SELENOF: variants seen among roughly 807,000 people sequenced by gnomAD.
SELENOF encodes the protein selenoprotein F, also known as 15 kDa selenoprotein.
A neutral mutation model predicts 20.5 loss-of-function variants in SELENOF; 16 were observed. The ratio of observed to expected loss-of-function variants is 0.78; its 90% CI spans 0.53 to 1.19. The LOEUF is 1.19. Ranked by LOEUF, SELENOF falls within the 50% of genes most tolerant of loss-of-function variation. The pLI is 0.00. For synonymous variants in SELENOF, 78 were observed against 74.5 expected, an observed-to-expected ratio of 1.05 and a Z score of -0.24; for missense variants, 215 against 194.2, an observed-to-expected ratio of 1.11 and a Z score of -0.64.
chr1:86,866,226 G>GTCTC (rs1330191596), intron 4 of SELENOF, among the ~76,000 whole-genome samples: 6 of 107,808 alleles, frequency 5.6e-5, no homozygotes, highest in South Asian at 3.1e-4. Flanking sequence ...AAAAGTGTGT[G>GTCTC]TCTCTGTGTG....
intron 2 of SELENOF, among the ~76,000 whole-genome samples, chr1:86,886,058 T>C (rs533394886): frequency 2.0e-5 from 3 of 152,306 alleles, no homozygotes; most frequent in Middle Eastern, 3.4e-3. Flanking sequence ...TCATTGTTCG[T>C]CTGTAATGAA....
intron 2 of SELENOF, among the ~76,000 whole-genome samples, chr1:86,892,529 T>C (rs1259728931): frequency 3.3e-5 from 5 of 152,224 alleles, no homozygotes; most frequent in Admixed American, 1.3e-4. Flanking sequence ...CATCCTTCTA[T>C]GTTTTACACA....
intron 2 of SELENOF, among the ~76,000 whole-genome samples, chr1:86,881,985 G>T (rs575525443): frequency 4.6e-5 from 7 of 152,220 alleles, no homozygotes; most frequent in African/African-American, 1.7e-4. Context: ...TGTAATTGCC[G>T]CTCTTAGGGA....
chr1:86,887,206 AG>A, intron 2 of SELENOF: 2 of 1,540,006 alleles, frequency 1.3e-6, no homozygotes, highest in Non-Finnish European at 1.8e-6. Context: ...ACTGAGGATT[AG>A]GGGAAAAAAA....
At chr1:86,896,421 G>A (rs947048153) in intron 2 of SELENOF, among the ~76,000 whole-genome samples, 1 of 152,100 alleles carries the variant, frequency 6.6e-6, no homozygotes, top group African/African-American at 2.4e-5. Context: ...ATTATAAAAA[G>A]ATGAGAAAAA....
intron 4 of SELENOF, among the ~76,000 whole-genome samples, chr1:86,865,946 G>A (rs1346020338): frequency 1.3e-5 from 2 of 152,000 alleles, no homozygotes; most frequent in East Asian, 1.9e-4. Context: ...GTAAATCCCC[G>A]TTCTTTGGAA....
Position 86,877,081 on chromosome 1 carries a change from A to G in SELENOF, c.316+3581T>C, listed in dbSNP as rs561498702. Among the ~76,000 whole-genome samples, 3 of 152,360 alleles carry G rather than the reference A, an allele frequency of 2.0e-5. No individual in the cohort carries two copies. In the East Asian group the frequency reaches 5.8e-4, roughly 29 times the overall value. ...AACCAAGGAGCAAATATAAGATACA[A>G]TAACAATACTTACCATTTAACATCT... On this transcript the variant is annotated intron_variant, in intron 3 of 4. Coordinates refer to ENST00000331835, the MANE Select transcript of SELENOF (RefSeq NM_004261.5).
chr1:86,866,005 G>C (rs909874595), intron 4 of SELENOF, among the ~76,000 whole-genome samples: 2 of 151,746 alleles, frequency 1.3e-5, no homozygotes, highest in Non-Finnish European at 2.9e-5. Flanking sequence ...GACCAGCTTA[G>C]GCAACATAGC....
intron 1 of SELENOF, among the ~76,000 whole-genome samples, chr1:86,904,406 T>C (rs993572692): frequency 1.3e-5 from 2 of 152,194 alleles, no homozygotes; most frequent in Non-Finnish European, 2.9e-5. Flanking sequence ...AGAGATGATT[T>C]AATCAATCAG....
chr1:86,895,012 T>C (rs745902804), intron 2 of SELENOF, among the ~76,000 whole-genome samples: 10 of 152,206 alleles, frequency 6.6e-5, no homozygotes, highest in African/African-American at 2.4e-4. Context: ...AGTGGAAAAT[T>C]TGTAGTATTT....
intron 3 of SELENOF, among the ~76,000 whole-genome samples, chr1:86,868,477 A>C (rs1658670631): frequency 6.6e-6 from 1 of 152,202 alleles, no homozygotes; most frequent in Non-Finnish European, 1.5e-5. Context: ...AGAACAGATA[A>C]AAGAATAGAA....
In SELENOF at chr1:86,862,891, T is replaced by C. The variant is rs1378339169; in HGVS notation, c.*583A>G. The stretch of plus-strand genomic sequence containing the variant: ...TCATTAACGCAAATCTTTGTGAATG[T>C]TTCACTCTTACTGTAGGATCTTGAA... On this transcript the variant is annotated 3_prime_UTR_variant, in exon 5 of 5. Coordinates refer to ENST00000331835, the MANE Select transcript of SELENOF (RefSeq NM_004261.5). 1 of 152,686 alleles carries C rather than the reference T, an allele frequency of 6.5e-6. No homozygotes were observed. The highest frequency in any genetic ancestry group is 1.5e-5 in the Non-Finnish European group (1 of 68,054). 9.5% of individuals were successfully genotyped at this position (152,686 alleles called of 1,614,324 possible). A position where few individuals can be genotyped will look rare whatever the true frequency, so the allele number is the denominator to read the frequency against.
At position 86,871,254 on chromosome 1, in the gene SELENOF, T is replaced by C. The variant is rs550280850; in HGVS notation, c.317-3152A>G. 2.6e-5 allele frequency among the ~76,000 whole-genome samples: 4 copies of C among 152,194 alleles called. No individual in the cohort carries two copies. In the South Asian group the frequency reaches 8.3e-4, roughly 32 times the overall value. On this transcript the variant is annotated intron_variant, in intron 3 of 4. Transcript: ENST00000331835. Reference sequence around the variant, plus strand: ...AACAGATCTGCAACAAATAAAAAGATAAGGTGATAATAAAAACAATGTCGT... The same window carrying C: ...AACAGATCTGCAACAAATAAAAAGACAAGGTGATAATAAAAACAATGTCGT...
chr1:86,876,065 T>A (rs1658916697), intron 3 of SELENOF, among the ~76,000 whole-genome samples: 1 of 151,542 alleles, frequency 6.6e-6, no homozygotes, highest in Non-Finnish European at 1.5e-5. Context: ...AGGGTCTCTT[T>A]TGGTTGTTGT....
At chr1:86,871,452 T>A (rs1366122369) in intron 3 of SELENOF, among the ~76,000 whole-genome samples, 3 of 152,240 alleles carry the variant, frequency 2.0e-5, no homozygotes, top group South Asian at 4.1e-4. Context: ...TTTCTCTTAC[T>A]ACTTCAAAAT....
At chr1:86,864,514 G>A (rs1658543419) in intron 4 of SELENOF, among the ~76,000 whole-genome samples, 1 of 152,184 alleles carries the variant, frequency 6.6e-6, no homozygotes. Context: ...CAAAGATGGA[G>A]ACTAGCTCAG....
chr1:86,890,270 C>T (rs1413270901), intron 2 of SELENOF, among the ~76,000 whole-genome samples: 1 of 152,166 alleles, frequency 6.6e-6, no homozygotes, highest in African/African-American at 2.4e-5. Context: ...AGCATTAACT[C>T]CTACATAAGC....
At position 86,863,399 on chromosome 1, in the gene SELENOF, CTAAAT is replaced by C. The variant is rs748766020; in HGVS notation, c.*70_*74del. ...GACTGATCAATGGAAGCAAGCAAAA[CTAAAT>C]TATTTTCTAGGTGCTGTAATATTTC... On this transcript the variant is annotated 3_prime_UTR_variant, in exon 5 of 5. Transcript: ENST00000331835. 23 of 1,329,986 alleles carry C rather than the reference CTAAAT, an allele frequency of 1.7e-5. No homozygotes were observed. Among genetic ancestry groups the C allele is most frequent in the East Asian group, 9.6e-5 (4 of 41,576 alleles). The allele number at this position is 1,329,986 out of a possible 1,614,324, so 82.4% of individuals were successfully genotyped here.
intron 2 of SELENOF, among the ~76,000 whole-genome samples, chr1:86,900,264 C>T (rs1001916268): frequency 2.0e-5 from 3 of 151,900 alleles, no homozygotes; most frequent in Non-Finnish European, 2.9e-5. Flanking sequence ...TGTAGCGAGC[C>T]GAGATCACGC....
Sources: gnomAD v4.1 joint callset for allele counts (sites outside exome capture counted in the v4.1 genomes callset) on GRCh38, gnomAD v4.1.1 for gene constraint, MANE v1.5 for transcripts, NCBI Gene and HGNC (gene_info 2026-07-23, HGNC 2026-07-21) for gene names.